The following CCDC13 variants were observed in gnomAD, a reference collection of about 807,000 sequenced individuals.
CCDC13 encodes the protein coiled-coil domain containing 13.
In CCDC13, 70 loss-of-function variants were observed where a neutral mutation model predicts 87.3. The ratio of observed to expected loss-of-function variants is 0.80; its 90% CI spans 0.66 to 0.98. CCDC13 has a LOEUF of 0.98. Among genes scored for constraint, CCDC13 ranks in the 50% least tolerant of loss-of-function variants. CCDC13 has a pLI of 0.00. For synonymous variants in CCDC13, 317 were observed against 360.3 expected (o/e 0.88, Z 1.36); for missense variants, 842 against 892.0 (o/e 0.94, Z 0.71).
chr3:42,758,077 A>ACG (rs1559660766), intron 2 of CCDC13, 48 bp downstream of exon 2: 9 of 1,486,608 alleles, frequency 6.1e-6, no homozygotes, highest in Non-Finnish European at 8.4e-6. Flanking sequence ...ACACACACAC[A>ACG]CACACACACA....
At chr3:42,731,303 G>A (rs547958598) in intron 12 of CCDC13, among the ~76,000 whole-genome samples, 1 of 152,006 alleles carries the variant, frequency 6.6e-6, no homozygotes, top group African/African-American at 2.4e-5. Context: ...TGAAAACTGG[G>A]CTGGGGCATG....
At chr3:42,758,396 G>C in intron 1 of CCDC13, 45 bp from the exon 2 acceptor site, 2 of 1,582,982 alleles carry the variant, frequency 1.3e-6, no homozygotes, top group Non-Finnish European at 8.6e-7. Context: ...ACTCCACACC[G>C]AGCGCTCAGC....
intron 13 of CCDC13, among the ~76,000 whole-genome samples, chr3:42,724,863 C>CTAAG (rs1338648213): frequency 6.6e-6 from 1 of 152,020 alleles, no homozygotes; most frequent in Non-Finnish European, 1.5e-5. Context: ...TTCCCCCTAC[C>CTAAG]TAAGAATGCT....
intron 8 of CCDC13, among the ~76,000 whole-genome samples, chr3:42,740,780 G>C (rs1699190914): frequency 6.6e-6 from 1 of 152,182 alleles, no homozygotes; most frequent in Non-Finnish European, 1.5e-5. Context: ...GGAGACATTG[G>C]GGAGGAGCTT....
At chr3:42,726,833 C>T (rs911665379) in intron 13 of CCDC13, among the ~76,000 whole-genome samples, 4 of 151,448 alleles carry the variant, frequency 2.6e-5, no homozygotes, top group South Asian at 2.1e-4. Flanking sequence ...TATGTATATA[C>T]GTATCACAGT....
intron 7 of CCDC13, chr3:42,745,609 C>T (rs373347497): frequency 1.0e-4 from 21 of 203,532 alleles, no homozygotes; most frequent in African/African-American, 4.6e-4. Context: ...ACAACAGTCA[C>T]GCAAATCTAC....
chr3:42,752,912 C>T (rs1298256260), intron 3 of CCDC13, among the ~76,000 whole-genome samples, 195 bp from the exon 4 acceptor site: 3 of 152,166 alleles, frequency 2.0e-5, no homozygotes, highest in Non-Finnish European at 4.4e-5. Flanking sequence ...GAAATGCAGC[C>T]ACTCAGAGGT....
intron 13 of CCDC13, among the ~76,000 whole-genome samples, chr3:42,727,025 T>C (rs1489277687): frequency 4.6e-5 from 7 of 152,200 alleles, no homozygotes; most frequent in Non-Finnish European, 8.8e-5. Flanking sequence ...TTTAGAATTC[T>C]ATGCCCAAAT....
chr3:42,722,325 C>T (rs1698582965), intron 13 of CCDC13, among the ~76,000 whole-genome samples: 1 of 152,124 alleles, frequency 6.6e-6, no homozygotes, highest in Non-Finnish European at 1.5e-5. Flanking sequence ...ATTAATGGTT[C>T]TCCTATAAAA....
chr3:42,750,198 G>A (rs971060753), intron 5 of CCDC13, among the ~76,000 whole-genome samples: 2 of 152,086 alleles, frequency 1.3e-5, no homozygotes, highest in Non-Finnish European at 2.9e-5. Flanking sequence ...CTTTTCTCCC[G>A]TGTGAGCTCT....
chr3:42,748,930 A>G (rs1699495553), intron 5 of CCDC13, among the ~76,000 whole-genome samples: 1 of 151,858 alleles, frequency 6.6e-6, no homozygotes, highest in East Asian at 1.9e-4. Context: ...TAATTTTTGT[A>G]TATTTTTTAG....
chr3:42,758,050 T>C (rs1473832617), intron 2 of CCDC13, 75 bp downstream of exon 2: 13 of 1,234,510 alleles, frequency 1.1e-5, no homozygotes, highest in Non-Finnish European at 1.5e-5. Flanking sequence ...AGTTTTGCTA[T>C]AGCTCCGGTG....
intron 5 of CCDC13, 129 bp from the exon 6 acceptor site, chr3:42,747,502 T>C: frequency 1.4e-6 from 1 of 704,058 alleles, no homozygotes; most frequent in Admixed American, 2.3e-5. Context: ...ACTCATTTAA[T>C]CCTCATAAAC....
rs778114249 is a variant in CCDC13, at chr3:42,730,555, C to T, written c.1630G>A (p.Ala544Thr). 1.2e-6 allele frequency: 2 copies of T among 1,614,166 alleles called. No homozygotes were observed. Among genetic ancestry groups the T allele is most frequent in the Admixed American group, 1.7e-5 (1 of 60,020 alleles). ...SDSPEQKGWQ[A>T]QVSEIKALWQ... ...AGGGCCTTGATCTCTGACACTTGTG[C>T]CTGCCAGCCTTTTTGTTCTGGGGAG... The change falls in exon 13 of 16, where the codon GCA (alanine) becomes ACA (threonine). Residue 544 changes from alanine to threonine, a missense_variant. Ala to Thr is a moderately conservative substitution (Grantham distance 58). Coordinates refer to ENST00000310232, the MANE Select transcript of CCDC13 (RefSeq NM_144719.4).
chr3:42,770,054 A>T (rs1700029867), intron 1 of CCDC13, among the ~76,000 whole-genome samples: 1 of 152,248 alleles, frequency 6.6e-6, no homozygotes, highest in African/African-American at 2.4e-5. Context: ...GAGTGCGGGC[A>T]CACAGCGGGA....
At chr3:42,730,145 C>CTCATCACAGATTTTA (rs924075804) in intron 13 of CCDC13, among the ~76,000 whole-genome samples, 1 of 152,194 alleles carries the variant, frequency 6.6e-6, no homozygotes, top group Non-Finnish European at 1.5e-5. Context: ...CAGTGCCAGG[C>CTCATCACAGATTTTA]TCATCACAGA....
At chr3:42,765,232 T>A (rs931310235) in intron 1 of CCDC13, among the ~76,000 whole-genome samples, 1 of 152,168 alleles carries the variant, frequency 6.6e-6, no homozygotes, top group African/African-American at 2.4e-5. Flanking sequence ...TATCACTGTA[T>A]GAAAAGTGGT....
intron 12 of CCDC13, among the ~76,000 whole-genome samples, chr3:42,731,476 T>A (rs767240669): frequency 6.6e-6 from 1 of 152,052 alleles, no homozygotes; most frequent in Non-Finnish European, 1.5e-5. Context: ...CTACTACAAG[T>A]GGTCTCTGAA....
intron 12 of CCDC13, 99 bp downstream of exon 12, chr3:42,732,788 C>T: frequency 5.6e-6 from 6 of 1,064,292 alleles, no homozygotes; most frequent in South Asian, 1.5e-5. Context: ...TGGACTTTGC[C>T]TGGCCTCAGT....
Sources: gnomAD v4.1 joint callset for allele counts (sites outside exome capture counted in the v4.1 genomes callset) on GRCh38, gnomAD v4.1.1 for gene constraint, MANE v1.5 for transcripts, NCBI Gene and HGNC (gene_info 2026-07-23, HGNC 2026-07-21) for gene names.